CNNM1: variants seen among roughly 807,000 people sequenced by gnomAD.
CNNM1 encodes cyclin and CBS domain divalent metal cation transport mediator 1.
A neutral mutation model predicts 78.8 loss-of-function variants in CNNM1; 44 were observed. That is an observed-to-expected ratio of 0.56 (90% CI 0.44 to 0.72). The LOEUF is 0.72. CNNM1 is among the 30% of genes least tolerant of loss of function. The pLI, the probability that CNNM1 is intolerant of heterozygous loss-of-function variation, is 0.00. For missense variants in CNNM1, 1,101 were observed against 1,292.2 expected (o/e 0.85, Z 2.27); for synonymous variants, 584 against 581.5 (o/e 1.00, Z -0.06).
intron 6 of CNNM1, chr10:99,368,442 T>C (rs2031693027): frequency 2.3e-5 from 8 of 353,152 alleles, no homozygotes; most frequent in South Asian, 8.8e-5. Context: ...GAGTGTGACT[T>C]TGTAAGAGGA....
chr10:99,362,071 A>G (rs1177964464), intron 3 of CNNM1, among the ~76,000 whole-genome samples, 156 bp from the exon 4 acceptor site: 1 of 152,122 alleles, frequency 6.6e-6, no homozygotes, highest in African/African-American at 2.4e-5. Flanking sequence ...AGGATCCTCC[A>G]CTCCGGAGGA....
Position 99,330,630 on chromosome 10 carries a change from C to A in CNNM1, c.1243C>A (p.Leu415Ile), listed in dbSNP as rs1850594098. 1 of 1,613,810 alleles carries A rather than the reference C, an allele frequency of 6.2e-7. No homozygotes were observed. ...DPYSDLVKEE[L>I]NIIQGALELR... is the part of the protein sequence containing the mutation. ...CTACAGTGACCTGGTGAAGGAGGAG[C>A]TCAACATCATACAGGGTGCCCTGGA... Residue 415 changes from leucine (L) to isoleucine (I), a missense_variant, in exon 1 of 11, where the codon CTC (leucine) becomes ATC (isoleucine). Physicochemically the swap from Leu to Ile is conservative, Grantham distance 5. Transcript: ENST00000356713.
intron 1 of CNNM1, among the ~76,000 whole-genome samples, chr10:99,347,135 C>T (rs904745483): frequency 1.3e-5 from 2 of 151,874 alleles, no homozygotes; most frequent in East Asian, 1.9e-4. Context: ...CTCTGTGACA[C>T]GAATTTACCT....
At chr10:99,375,782 G>A (rs963434718) in intron 6 of CNNM1, among the ~76,000 whole-genome samples, 15 of 152,192 alleles carry the variant, frequency 9.9e-5, no homozygotes, top group African/African-American at 3.4e-4. Context: ...AGGCCCCTGA[G>A]CTAAATCTGT....
At chr10:99,348,898 CAAACAAACAAAT>C (rs2030819416) in intron 1 of CNNM1, among the ~76,000 whole-genome samples, 2 of 151,480 alleles carry the variant, frequency 1.3e-5, no homozygotes, top group Admixed American at 1.3e-4. Flanking sequence ...CAAAAACAAA[CAAACAAACAAAT>C]AAACAAACAA....
chr10:99,330,272 G>T lies in CNNM1; in HGVS notation c.885G>T (p.Ala295=), dbSNP rs1003107195. ...TLLLGQAGAN[A]ALAGWLYTSL... is the part of the protein sequence containing the mutation. Reference sequence around the variant, plus strand: ...TCCTGGGCCAAGCCGGAGCCAACGCGGCCCTGGCTGGCTGGCTGTACACCT... The same window carrying T: ...TCCTGGGCCAAGCCGGAGCCAACGCTGCCCTGGCTGGCTGGCTGTACACCT... The change falls in exon 1 of 11, where the codon GCG becomes GCT. Residue 295 remains alanine (A), a synonymous_variant. Coordinates refer to ENST00000356713, the MANE Select transcript of CNNM1 (RefSeq NM_020348.3). 7.4e-5 allele frequency: 116 copies of T among 1,563,822 alleles called. No homozygotes were observed. The highest frequency in any genetic ancestry group is 9.9e-5 in the Non-Finnish European group (114 of 1,154,960).
chr10:99,364,355 C>T, intron 4 of CNNM1, 62 bp from the exon 5 acceptor site: 1 of 1,256,140 alleles, frequency 8.0e-7, no homozygotes, highest in East Asian at 2.5e-5. Flanking sequence ...GGATTCGAGT[C>T]AATAGTAGAA....
intron 6 of CNNM1, among the ~76,000 whole-genome samples, chr10:99,369,262 A>G (rs1004939191): frequency 8.5e-5 from 13 of 152,222 alleles, no homozygotes; most frequent in African/African-American, 2.9e-4. Context: ...TGATTCAATG[A>G]CTGAGTAGAA....
Position 99,329,920 on chromosome 10 carries a change from G to A in CNNM1, c.533G>A (p.Gly178Asp), listed in dbSNP as rs150835153. 7 of 1,383,768 alleles carry A rather than the reference G, an allele frequency of 5.1e-6. No individual in the cohort carries two copies. Among genetic ancestry groups the A allele is most frequent in the Non-Finnish European group, 6.5e-6 (7 of 1,076,892 alleles). The allele number at this position is 1,383,768 out of a possible 1,614,324, so 85.7% of individuals were successfully genotyped here. A position where few individuals can be genotyped will look rare whatever the true frequency, so the allele number is the denominator to read the frequency against. Residue 178 changes from glycine to aspartate, a missense_variant, in exon 1 of 11, where the codon GGC becomes GAC. Around this residue, in one of 3 missense-constraint regions of CNNM1, gnomAD observed 476 missense variants for 484.5 expected, o/e 0.98. Transcript: ENST00000356713. Reference protein sequence around the residue: ...RKGEAERGGAGGGGKLFSLCA... With the variant: ...RKGEAERGGADGGGKLFSLCA... ...GGCGAAGCGGAGCGGGGCGGCGCGG[G>A]CGGTGGCGGGAAGCTCTTTTCACTC...
intron 6 of CNNM1, among the ~76,000 whole-genome samples, chr10:99,369,624 T>C (rs1327097769): frequency 6.6e-6 from 1 of 152,202 alleles, no homozygotes; most frequent in African/African-American, 2.4e-5. Context: ...TCACTTTTTT[T>C]CATCAAAAAC....
intron 1 of CNNM1, among the ~76,000 whole-genome samples, chr10:99,349,922 C>T (rs539459072): frequency 3.9e-5 from 6 of 152,142 alleles, no homozygotes; most frequent in Non-Finnish European, 5.9e-5. Context: ...TTGCTTGAAC[C>T]CGAGAGGCAG....
Position 99,329,808 on chromosome 10 carries a change from T to C in CNNM1, c.421T>C (p.Ser141Pro), listed in dbSNP as rs1382303705. 2.0e-6 allele frequency: 3 copies of C among 1,466,358 alleles called. No homozygotes were observed. The East Asian group carries it at 8.5e-5, about 42-fold the overall frequency. 90.8% of individuals were successfully genotyped at this position (1,466,358 alleles called of 1,614,324 possible). A position where few individuals can be genotyped will look rare whatever the true frequency, so the allele number is the denominator to read the frequency against. Residue 141 changes from serine to proline, a missense_variant, in exon 1 of 11, where the codon TCG becomes CCG. Transcript: ENST00000356713. ...CTGCAGGGAGCAGAGCGACTGGGCA[T>C]CGGACGTGGAAGTCCTGGGGCCCTT... ...QRCREQSDWASDVEVLGPLRP... is the reference protein window; with the variant it reads ...QRCREQSDWAPDVEVLGPLRP...
intron 1 of CNNM1, 59 bp from the exon 2 acceptor site, chr10:99,357,453 C>A: frequency 3.9e-6 from 6 of 1,542,402 alleles, no homozygotes; most frequent in Non-Finnish European, 4.4e-6. Flanking sequence ...ATTTTTCTCA[C>A]AAAAAAAGAT....
intron 1 of CNNM1, among the ~76,000 whole-genome samples, chr10:99,351,092 T>C (rs2030929702): frequency 6.6e-6 from 1 of 152,246 alleles, no homozygotes; most frequent in Non-Finnish European, 1.5e-5. Context: ...AGTTTGGGTA[T>C]GTCGATACGA....
At chr10:99,374,871 G>C (rs2031915337) in intron 6 of CNNM1, among the ~76,000 whole-genome samples, 1 of 152,222 alleles carries the variant, frequency 6.6e-6, no homozygotes, top group Non-Finnish European at 1.5e-5. Context: ...GATGTAACAA[G>C]TAGTTACTAA....
intron 6 of CNNM1, among the ~76,000 whole-genome samples, chr10:99,369,924 G>A (rs989544042): frequency 6.6e-6 from 1 of 152,184 alleles, no homozygotes; most frequent in African/African-American, 2.4e-5. Flanking sequence ...TGAATGCCAA[G>A]AGTGTGCTGT....
chr10:99,331,403 G>A (rs531605958), intron 1 of CNNM1, among the ~76,000 whole-genome samples: 6 of 152,314 alleles, frequency 3.9e-5, no homozygotes, highest in Admixed American at 2.6e-4. Flanking sequence ...TAATTCCATT[G>A]CTGGACAGCT....
intron 6 of CNNM1, among the ~76,000 whole-genome samples, chr10:99,367,943 G>A (rs774276938): frequency 2.0e-5 from 3 of 152,204 alleles, no homozygotes; most frequent in Admixed American, 1.3e-4. Flanking sequence ...ACTCTGTGGG[G>A]AAAGAGAAGG....
chr10:99,365,806 A>G (rs2031596045), intron 6 of CNNM1, among the ~76,000 whole-genome samples: 1 of 152,240 alleles, frequency 6.6e-6, no homozygotes, highest in South Asian at 2.1e-4. Context: ...ATCATAAAAA[A>G]AGATTTTACA....
Sources: gnomAD v4.1 joint callset for allele counts (sites outside exome capture counted in the v4.1 genomes callset) on GRCh38, gnomAD v4.1.1 for gene constraint, gnomAD v4.1.1 regional missense constraint, MANE v1.5 for transcripts, NCBI Gene and HGNC (gene_info 2026-07-23, HGNC 2026-07-21) for gene names.